The following SDK2 variants were observed in gnomAD, a reference collection of about 807,000 sequenced individuals.
The protein encoded by SDK2 is protein sidekick-2.
SDK2 carries 105 observed loss-of-function variants against 253.9 expected under a neutral mutation model. That is an observed-to-expected ratio of 0.41 (90% CI 0.35 to 0.49). The LOEUF is 0.49. Among genes scored for constraint, SDK2 ranks in the 20% least tolerant of loss-of-function variants. SDK2 has a pLI of 0.06. For synonymous variants in SDK2, 1,249 were observed against 1,234.9 expected, an observed-to-expected ratio of 1.01 and a Z score of -0.24; for missense variants, 2,608 against 3,003.0, an observed-to-expected ratio of 0.87 and a Z score of 3.07.
intron 2 of SDK2, among the ~76,000 whole-genome samples, chr17:73,473,038 T>G (rs2063663273): frequency 6.6e-6 from 1 of 152,214 alleles, no homozygotes; most frequent in African/African-American, 2.4e-5. Context: ...ATCAGCAGCG[T>G]GAAAACGGAC....
chr17:73,574,301 GT>G (rs1408962171), intron 1 of SDK2, among the ~76,000 whole-genome samples: 6 of 152,168 alleles, frequency 3.9e-5, no homozygotes, highest in African/African-American at 1.4e-4. Flanking sequence ...ACAAGTATTT[GT>G]TACATGAATG....
intron 29 of SDK2, among the ~76,000 whole-genome samples, chr17:73,390,077 A>T (rs2145495092): frequency 6.6e-6 from 1 of 152,338 alleles, no homozygotes; most frequent in African/African-American, 2.4e-5. Flanking sequence ...AGACCAGACC[A>T]GAGTAGGGTC....
At chr17:73,626,806 C>G (rs1398834540) in intron 1 of SDK2, among the ~76,000 whole-genome samples, 1 of 152,008 alleles carries the variant, frequency 6.6e-6, no homozygotes, top group Non-Finnish European at 1.5e-5. Context: ...GTTGTCTGAG[C>G]CCCAGGGGCT....
chr17:73,522,885 C>T (rs2064093813), intron 1 of SDK2, among the ~76,000 whole-genome samples: 1 of 152,204 alleles, frequency 6.6e-6, no homozygotes, highest in Admixed American at 6.5e-5. Flanking sequence ...TCTCTGGTCC[C>T]CAGCTCCTCT....
intron 1 of SDK2, among the ~76,000 whole-genome samples, chr17:73,546,880 G>A (rs1475987247): frequency 6.6e-6 from 1 of 152,256 alleles, no homozygotes; most frequent in Non-Finnish European, 1.5e-5. Flanking sequence ...AGAGGTGCAG[G>A]GATGGTACAG....
chr17:73,542,144 G>A lies in SDK2; in HGVS notation c.65-34547C>T, dbSNP rs199787980. ...GACTGGCCCATCTCATCACAGTGCA[G>A]GCAGTGCGCTGGCCCCAAGTCCCTC... On this transcript the variant is annotated intron_variant, in intron 1 of 44. Transcript: ENST00000392650. Among the ~76,000 whole-genome samples the A allele has an allele frequency of 2.0e-5, 3 of 152,366 alleles. No individual in the cohort carries two copies. The South Asian group carries it at 6.2e-4, about 32-fold the overall frequency.
At chr17:73,567,439 A>T (rs1263011210) in intron 1 of SDK2, among the ~76,000 whole-genome samples, 3 of 151,378 alleles carry the variant, frequency 2.0e-5, no homozygotes, top group African/African-American at 7.3e-5. Context: ...GGGCAGTGTC[A>T]AGCAAAAACG....
chr17:73,421,279 T>C (rs1012125766), intron 15 of SDK2, among the ~76,000 whole-genome samples: 3 of 91,140 alleles, frequency 3.3e-5, no homozygotes, highest in African/African-American at 5.5e-5. Flanking sequence ...GTGAGATTGT[T>C]TGACCCCAGT....
chr17:73,355,081 T>C (rs1035773632), intron 40 of SDK2, among the ~76,000 whole-genome samples: 1 of 149,294 alleles, frequency 6.7e-6, no homozygotes, highest in Non-Finnish European at 1.5e-5. Context: ...GAGCTGTCCT[T>C]GCAGAAGGCT....
chr17:73,449,295 G>A (rs890544763), intron 4 of SDK2, among the ~76,000 whole-genome samples: 1 of 152,190 alleles, frequency 6.6e-6, no homozygotes, highest in Admixed American at 6.5e-5. Context: ...TTAATGCGAT[G>A]GGCCTGAGAC....
At chr17:73,367,786 G>C (rs570709437) in intron 37 of SDK2, among the ~76,000 whole-genome samples, 3 of 152,196 alleles carry the variant, frequency 2.0e-5, no homozygotes, top group Non-Finnish European at 4.4e-5. Context: ...TTACAGGCGT[G>C]AGCCACCATG....
chr17:73,368,732 G>A lies in SDK2; in HGVS notation c.4981-139C>T, dbSNP rs983374099. The A allele has an allele frequency of 8.3e-6, 6 of 726,206 alleles. No homozygotes were observed. The African/African-American group carries it at 9.1e-5, about 11-fold the overall frequency. 45.0% of individuals were successfully genotyped at this position (726,206 alleles called of 1,614,324 possible). A position where few individuals can be genotyped will look rare whatever the true frequency, so the allele number is the denominator to read the frequency against. On this transcript the variant is annotated intron_variant, in intron 36 of 44. Coordinates refer to ENST00000392650, the MANE Select transcript of SDK2 (RefSeq NM_001144952.2). Reference sequence around the variant, plus strand: ...ACAGCGGAGAAGTCTTTAAGAGGCCGGGTGCGGTGGCTCACACCTGTAATC... The same window carrying A: ...ACAGCGGAGAAGTCTTTAAGAGGCCAGGTGCGGTGGCTCACACCTGTAATC...
intron 36 of SDK2, among the ~76,000 whole-genome samples, chr17:73,372,357 C>A (rs994468779): frequency 1.3e-5 from 2 of 152,200 alleles, no homozygotes; most frequent in Non-Finnish European, 2.9e-5. Context: ...CTCCAGCGGG[C>A]AGGCATCTCG....
rs777783482 is a variant in SDK2, at chr17:73,401,932, T to TG, written c.2680+13dup. On this transcript the variant is annotated intron_variant, in intron 19 of 44. Coordinates refer to ENST00000392650, the MANE Select transcript of SDK2 (RefSeq NM_001144952.2). ...CGGGGGGGGGCAGAAAGAGCAGGGC[T>TG]GGGGGGTGCCTACCATCCTCATGGG... 3.8e-6 allele frequency: 6 copies of TG among 1,582,128 alleles called. No individual in the cohort carries two copies. In the East Asian group the frequency reaches 6.8e-5, roughly 18 times the overall value.
chr17:73,423,581 C>T (rs2063252580), intron 13 of SDK2, 59 bp from the exon 14 acceptor site: 11 of 1,453,958 alleles, frequency 7.6e-6, no homozygotes, highest in Admixed American at 2.3e-5. Context: ...GTGACGGGGG[C>T]GCTGTGGACA....
At position 73,431,694 on chromosome 17, in the gene SDK2, C is replaced by G; in HGVS notation, c.1313-25G>C. 1 of 1,578,394 alleles carries G rather than the reference C, an allele frequency of 6.3e-7. No homozygotes were observed. Among genetic ancestry groups the G allele is most frequent in the Non-Finnish European group, 8.6e-7 (1 of 1,161,512 alleles). On this transcript the variant is annotated intron_variant, in intron 10 of 44. Transcript: ENST00000392650. The surrounding 1 kb of genome is among the most constrained non-coding windows in gnomAD (Gnocchi z 5.6). ...CCTGAGGGCAAAACAGGGTGGGGGT[C>G]AGCCTGTAGCCCCCAAGGGCACACC...
chr17:73,355,819 T>C (rs1483313388), intron 40 of SDK2, among the ~76,000 whole-genome samples: 2 of 152,188 alleles, frequency 1.3e-5, no homozygotes, highest in Non-Finnish European at 2.9e-5. Flanking sequence ...CCCTGGCCTT[T>C]TCATAGCATT....
At position 73,352,707 on chromosome 17, in the gene SDK2, C is replaced by A; in HGVS notation, c.5594-70G>T. The stretch of plus-strand genomic sequence containing the variant: ...CCCAAATCCCGCTCCCAGCCCCGTT[C>A]TGACTATGCTCCCTGAGGGCTGGGC... On this transcript the variant is annotated intron_variant, in intron 40 of 44. Transcript: ENST00000392650. The surrounding 1 kb of genome is among the most constrained non-coding windows in gnomAD (Gnocchi z 4.1). The A allele has an allele frequency of 6.6e-7, 1 of 1,517,040 alleles. No individual in the cohort carries two copies. 94.0% of individuals were successfully genotyped at this position (1,517,040 alleles called of 1,614,324 possible).
At chr17:73,637,571 G>T (rs2143293732) in intron 1 of SDK2, among the ~76,000 whole-genome samples, 1 of 152,246 alleles carries the variant, frequency 6.6e-6, no homozygotes, top group East Asian at 1.9e-4. Context: ...TAGAGACAGG[G>T]TTTTGCCATG....
Sources: allele counts gnomAD v4.1 joint callset (sites outside exome capture counted in the v4.1 genomes callset), GRCh38; gene constraint gnomAD v4.1.1; non-coding constraint Gnocchi (gnomAD v3.1); transcripts MANE v1.5; gene names NCBI Gene and HGNC (gene_info 2026-07-23, HGNC 2026-07-21).